Variants in RPN2 observed in about 807,000 individuals in gnomAD.
The protein encoded by RPN2 is dolichyl-diphosphooligosaccharide--protein glycosyltransferase subunit 2.
In RPN2, 29 loss-of-function variants were observed where a neutral mutation model predicts 71.4. The observed-to-expected ratio is 0.41, with a 90% confidence interval of 0.30 to 0.55. RPN2 has a LOEUF of 0.55. Among genes scored for constraint, RPN2 ranks in the 20% least tolerant of loss-of-function variants. The pLI is 0.35. For missense variants in RPN2, 726 were observed against 774.1 expected (o/e 0.94, Z 0.74); for synonymous variants, 308 against 305.0 (o/e 1.01, Z -0.10).
At chr20:37,185,111 T>C (rs2284356) in intron 2 of RPN2, among the ~76,000 whole-genome samples, 124,105 of 151,622 alleles carry the variant, frequency 0.82, 51,487 homozygotes, top group Middle Eastern at 0.93. Context: ...GAAAATGCAT[T>C]ATGATTAAAA....
chr20:37,205,172 A>C (rs1490392464), intron 6 of RPN2, among the ~76,000 whole-genome samples: 2 of 151,960 alleles, frequency 1.3e-5, no homozygotes, highest in African/African-American at 4.8e-5. Context: ...AGCCACGTGT[A>C]TTACTCCTGT....
In RPN2 at chr20:37,241,379, CA is replaced by C; in HGVS notation, c.*65del. The C allele has an allele frequency of 6.4e-7, 1 of 1,555,774 alleles. No individual in the cohort carries two copies. Among genetic ancestry groups the C allele is most frequent in the Non-Finnish European group, 8.8e-7 (1 of 1,134,626 alleles). The stretch of plus-strand genomic sequence containing the variant: ...AAGAAAAGGAGTCAAGAACAATTCA[CA>C]GTATGAGAAGAAAAATGGAAAAAAA... On this transcript the variant is annotated 3_prime_UTR_variant, in exon 17 of 17. Transcript: ENST00000237530.
At chr20:37,217,794 C>A (rs879262023) in intron 9 of RPN2, among the ~76,000 whole-genome samples, 24 of 151,262 alleles carry the variant, frequency 1.6e-4, no homozygotes, top group Non-Finnish European at 3.1e-4. Flanking sequence ...GTGGCACGAT[C>A]TTGGCTTACT....
intron 10 of RPN2, among the ~76,000 whole-genome samples, chr20:37,225,275 C>T (rs766421796): frequency 2.6e-5 from 4 of 152,144 alleles, no homozygotes; most frequent in Admixed American, 6.5e-5. Flanking sequence ...TGCCTTGTCT[C>T]GATTTTGCTC....
chr20:37,228,024 C>A (rs2068122644), intron 11 of RPN2, among the ~76,000 whole-genome samples: 1 of 152,192 alleles, frequency 6.6e-6, no homozygotes, highest in African/African-American at 2.4e-5. Context: ...GGAAGCAAAT[C>A]TGTCTTCCAA....
At chr20:37,210,528 CTTT>C (rs10566074) in intron 8 of RPN2, among the ~76,000 whole-genome samples, 276 of 118,910 alleles carry the variant, frequency 2.3e-3, no homozygotes, top group Middle Eastern at 4.6e-3. Context: ...CTTTTGCTAA[CTTT>C]TTTTTTTTTT....
At position 37,198,442 on chromosome 20, in the gene RPN2, G is replaced by T; in HGVS notation, c.253G>T (p.Asp85Tyr). The change falls in exon 3 of 17, where the codon GAT becomes TAT. Residue 85 changes from aspartate to tyrosine, a missense_variant. Transcript: ENST00000237530. ...IRSNLDPSNV[D>Y]SLFYAAQASQ... ...ATCTAACCTTGATCCCAGCAATGTG[G>T]ATTCCCTCTTCTACGCTGCCCAGGC... 1 of 1,614,216 alleles carries T rather than the reference G, an allele frequency of 6.2e-7. No individual in the cohort carries two copies. Among genetic ancestry groups the T allele is most frequent in the Non-Finnish European group, 8.5e-7 (1 of 1,180,038 alleles).
intron 2 of RPN2, among the ~76,000 whole-genome samples, chr20:37,193,709 A>G (rs964722563): frequency 1.3e-5 from 2 of 152,192 alleles, no homozygotes; most frequent in African/African-American, 2.4e-5. Context: ...GGGCCATTCC[A>G]TGAGATAGCA....
chr20:37,200,045 A>G (rs938191060), intron 4 of RPN2, among the ~76,000 whole-genome samples: 5 of 151,464 alleles, frequency 3.3e-5, no homozygotes, highest in African/African-American at 7.3e-5. Flanking sequence ...CCCAGGCTAG[A>G]GTGCAGTGAC....
chr20:37,195,162 C>T (rs1045311630), intron 2 of RPN2, among the ~76,000 whole-genome samples: 166 of 152,244 alleles, frequency 1.1e-3, no homozygotes, highest in African/African-American at 3.7e-3. Context: ...TGGAGGGCAG[C>T]TGGAGTCAGA....
chr20:37,199,347 G>T (rs771074467), intron 4 of RPN2, 122 bp downstream of exon 4: 7 of 1,266,290 alleles, frequency 5.5e-6, no homozygotes, highest in Non-Finnish European at 7.8e-6. Flanking sequence ...ACTTCCGTGT[G>T]CCAGGTGCTC....
intron 9 of RPN2, among the ~76,000 whole-genome samples, chr20:37,216,724 C>T (rs149817327): frequency 3.4e-4 from 52 of 152,202 alleles, no homozygotes; most frequent in African/African-American, 1.1e-3. Flanking sequence ...GGCCCACCGA[C>T]GTGTTGGGAT....
chr20:37,196,152 C>T (rs549520952), intron 2 of RPN2, among the ~76,000 whole-genome samples: 29 of 152,040 alleles, frequency 1.9e-4, no homozygotes, highest in Non-Finnish European at 3.1e-4. Context: ...CTCTGCCTCC[C>T]GGGTTCAAGG....
chr20:37,210,318 A>T lies in RPN2; in HGVS notation c.986+153A>T, dbSNP rs1000598232. ...TCGAATGTAAGAAAATGATTTTTAA[A>T]ATGAAGATTATTTGGTTTTACTGTT... On this transcript the variant is annotated intron_variant, in intron 8 of 16. Coordinates refer to ENST00000237530, the MANE Select transcript of RPN2 (RefSeq NM_002951.5). 27 of 1,446,334 alleles carry T rather than the reference A, an allele frequency of 1.9e-5. No individual in the cohort carries two copies. In the Admixed American group the frequency reaches 4.4e-4, roughly 24 times the overall value. 89.6% of individuals were successfully genotyped at this position (1,446,334 alleles called of 1,614,324 possible).
chr20:37,198,308 T>C (rs1055397619), intron 2 of RPN2, 89 bp from the exon 3 acceptor site: 2 of 1,608,670 alleles, frequency 1.2e-6, no homozygotes, highest in Admixed American at 1.7e-5. Flanking sequence ...CCATCTATAA[T>C]GGCTGAGAAT....
At chr20:37,192,572 T>G (rs951246996) in intron 2 of RPN2, among the ~76,000 whole-genome samples, 5 of 152,240 alleles carry the variant, frequency 3.3e-5, no homozygotes, top group Admixed American at 3.3e-4. Context: ...GTTTCTGCTG[T>G]GCACTAGGTA....
At chr20:37,179,684 C>T (rs888796870) in intron 1 of RPN2, 2 of 351,116 alleles carry the variant, frequency 5.7e-6, no homozygotes, top group South Asian at 6.6e-5. Context: ...GCGCGGGCTT[C>T]TGGGCCAGGC....
intron 8 of RPN2, among the ~76,000 whole-genome samples, chr20:37,210,843 T>G (rs1364413535): frequency 1.3e-5 from 2 of 151,878 alleles, no homozygotes; most frequent in African/African-American, 2.4e-5. Flanking sequence ...TGCTAACATT[T>G]TATAATTTTT....
At chr20:37,227,344 T>C (rs1048615682) in intron 11 of RPN2, among the ~76,000 whole-genome samples, 2 of 152,264 alleles carry the variant, frequency 1.3e-5, no homozygotes, top group Non-Finnish European at 2.9e-5. Context: ...ACTGAATACT[T>C]GTCTCATCCA....
Sources: allele counts gnomAD v4.1 joint callset (sites outside exome capture counted in the v4.1 genomes callset), GRCh38; gene constraint gnomAD v4.1.1; transcripts MANE v1.5; gene names NCBI Gene and HGNC (gene_info 2026-07-23, HGNC 2026-07-21).